The following KLC1 variants were observed in gnomAD, a reference collection of about 807,000 sequenced individuals.
KLC1 encodes the protein kinesin 2 60/70kDa.
KLC1 carries 30 observed loss-of-function variants against 84.2 expected under a neutral mutation model. The ratio of observed to expected loss-of-function variants is 0.36; its 90% CI spans 0.27 to 0.48. The LOEUF is 0.48. Among genes scored for constraint, KLC1 ranks in the 20% least tolerant of loss-of-function variants. The pLI is 0.99. For missense variants in KLC1, 499 were observed against 805.4 expected, an observed-to-expected ratio of 0.62 and a Z score of 4.60; for synonymous variants, 289 against 293.3, an observed-to-expected ratio of 0.99 and a Z score of 0.15.
chr14:103,667,888 G>T (rs963394658), intron 5 of KLC1, among the ~76,000 whole-genome samples: 2 of 152,182 alleles, frequency 1.3e-5, no homozygotes, highest in African/African-American at 4.8e-5. Context: ...CTTGTTCTCA[G>T]TCACATCAGT....
At chr14:103,635,842 C>T (rs1368416867) in intron 1 of KLC1, among the ~76,000 whole-genome samples, 1 of 152,034 alleles carries the variant, frequency 6.6e-6, no homozygotes, top group African/African-American at 2.4e-5. Flanking sequence ...GTTTCAGAAA[C>T]CAAAGTTACA....
At chr14:103,668,857 A>C (rs1420010094) in intron 5 of KLC1, among the ~76,000 whole-genome samples, 2 of 151,782 alleles carry the variant, frequency 1.3e-5, no homozygotes, top group African/African-American at 2.4e-5. Flanking sequence ...TGCTCACTGC[A>C]AGCTCCACCT....
chr14:103,675,461 G>C, intron 9 of KLC1, 91 bp from the exon 10 acceptor site: 1 of 1,074,784 alleles, frequency 9.3e-7, no homozygotes, highest in Non-Finnish European at 1.4e-6. Context: ...GTGCCGACTT[G>C]ACACTCAAAG....
chr14:103,685,337 A>T (rs2081698621), intron 13 of KLC1: 1 of 1,265,866 alleles, frequency 7.9e-7, no homozygotes, highest in African/African-American at 1.5e-5. Context: ...AGCCTTTTAC[A>T]CCAAGTGTCA....
intron 1 of KLC1, among the ~76,000 whole-genome samples, chr14:103,631,299 C>G (rs536937378): frequency 3.4e-4 from 52 of 152,240 alleles, no homozygotes; most frequent in African/African-American, 1.2e-3. Context: ...CCAGGTTGGT[C>G]TTGATCTCCT....
chr14:103,677,073 G>A (rs59785520), intron 11 of KLC1, among the ~76,000 whole-genome samples: 346 of 152,322 alleles, frequency 2.3e-3, no homozygotes, highest in African/African-American at 8.2e-3. Context: ...CGCAGACCAA[G>A]TCGTCTCCAG....
intron 1 of KLC1, among the ~76,000 whole-genome samples, chr14:103,629,698 T>G (rs569568813): frequency 1.5e-4 from 22 of 142,144 alleles, no homozygotes; most frequent in African/African-American, 5.3e-4. Flanking sequence ...CCCTTCCAGG[T>G]TCAGGTCGGG....
At chr14:103,640,964 G>A (rs891478939) in intron 1 of KLC1, among the ~76,000 whole-genome samples, 75 of 151,682 alleles carry the variant, frequency 4.9e-4, no homozygotes, top group African/African-American at 1.7e-3. Context: ...GTTTTGCTAG[G>A]TCACCCAGGC....
rs1470827989 is a variant in KLC1 at position 103,679,525 on chromosome 14, A to G, written c.1630A>G (p.Met544Val). 8 of 1,613,936 alleles carry G rather than the reference A, an allele frequency of 5.0e-6. No homozygotes were observed. The highest frequency in any genetic ancestry group is 6.8e-6 in the Non-Finnish European group (8 of 1,179,840). Reference protein sequence around the residue: ...SGPDGGEEVSMSVEWNGDGTG... With the variant: ...SGPDGGEEVSVSVEWNGDGTG... Reference sequence around the variant, plus strand: ...CCCTGACGGAGGGGAGGAAGTGAGTATGAGCGTAGAGTGGAACGGGGTAAG... The same window carrying G: ...CCCTGACGGAGGGGAGGAAGTGAGTGTGAGCGTAGAGTGGAACGGGGTAAG... Residue 544 changes from methionine (M) to valine (V), a missense_variant, in exon 13 of 17, where the codon ATG (methionine) becomes GTG (valine). Transcript: ENST00000334553.
Position 103,630,958 on chromosome 14 carries a change from T to C in KLC1, c.-2+1464T>C, listed in dbSNP as rs866384602. 1.4e-4 allele frequency among the ~76,000 whole-genome samples: 21 copies of C among 152,178 alleles called. No individual in the cohort carries two copies. The South Asian group carries it at 4.4e-3, about 32-fold the overall frequency. On this transcript the variant is annotated intron_variant, in intron 1 of 16. Transcript: ENST00000334553. ...CTTGGCATTGTCTTAGAGAAAAGCA[T>C]CCAGACATGCACAGGACTCTGGACA...
At chr14:103,670,430 T>C in intron 7 of KLC1, 147 bp downstream of exon 7, 1 of 528,466 alleles carries the variant, frequency 1.9e-6, no homozygotes, top group East Asian at 3.2e-5. Context: ...CCCACCTCCA[T>C]GGTTCAGGTG....
At chr14:103,685,158 T>A in intron 13 of KLC1, 1 of 1,463,300 alleles carries the variant, frequency 6.8e-7, no homozygotes, top group Non-Finnish European at 9.0e-7. Context: ...TCTTTTGGAT[T>A]ATCAACTGCA....
chr14:103,685,551 T>A, intron 13 of KLC1: 1 of 1,288,778 alleles, frequency 7.8e-7, no homozygotes, highest in Non-Finnish European at 1.0e-6. Flanking sequence ...GACCTAGAAA[T>A]ACTGTAAGCC....
intron 15 of KLC1, chr14:103,695,495 G>A (rs893664119): frequency 1.7e-5 from 17 of 985,210 alleles, no homozygotes; most frequent in African/African-American, 1.4e-4. Flanking sequence ...GTGCACAGGC[G>A]ACAGGGAGGA....
At chr14:103,648,671 C>T (rs1403348158) in intron 1 of KLC1, among the ~76,000 whole-genome samples, 2 of 152,074 alleles carry the variant, frequency 1.3e-5, no homozygotes, top group African/African-American at 2.4e-5. Flanking sequence ...CTTGGCGGCA[C>T]GCACCTGTAG....
At chr14:103,655,298 G>A (rs1329396300) in intron 2 of KLC1, among the ~76,000 whole-genome samples, 1 of 152,032 alleles carries the variant, frequency 6.6e-6, no homozygotes, top group Non-Finnish European at 1.5e-5. Flanking sequence ...GGGCCTATCA[G>A]AATTGTATTG....
chr14:103,655,834 C>T (rs948341231), intron 2 of KLC1, among the ~76,000 whole-genome samples: 1 of 152,154 alleles, frequency 6.6e-6, no homozygotes, highest in Non-Finnish European at 1.5e-5. Flanking sequence ...AACTCCTGAC[C>T]TCAGGGCCTC....
intron 11 of KLC1, among the ~76,000 whole-genome samples, chr14:103,676,418 G>A (rs2080879964): frequency 6.6e-6 from 1 of 152,068 alleles, no homozygotes; most frequent in Non-Finnish European, 1.5e-5. Flanking sequence ...ACAGTCTGTC[G>A]CCATGCCTGG....
chr14:103,633,254 T>C (rs903982279), intron 1 of KLC1, among the ~76,000 whole-genome samples: 2 of 152,072 alleles, frequency 1.3e-5, no homozygotes, highest in African/African-American at 4.8e-5. Context: ...AGTCGGGGTT[T>C]CACCACGTTA....
Sources: gnomAD v4.1 joint callset for allele counts (sites outside exome capture counted in the v4.1 genomes callset) on GRCh38, gnomAD v4.1.1 for gene constraint, MANE v1.5 for transcripts, NCBI Gene and HGNC (gene_info 2026-07-23, HGNC 2026-07-21) for gene names.